Variants in DHRS13 observed in about 807,000 individuals in gnomAD.
The protein encoded by DHRS13 is dehydrogenase/reductase 13.
Under a neutral mutation model 17.9 loss-of-function variants are expected in DHRS13, and 22 were observed. That is an observed-to-expected ratio of 1.23 (90% CI 0.88 to 1.75). The LOEUF (loss-of-function observed/expected upper bound fraction) is 1.75, where lower values mean the gene tolerates loss of function less well. DHRS13 is among the 40% of genes most tolerant of loss of function. DHRS13 has a pLI of 0.00. For missense variants in DHRS13, 483 were observed against 519.9 expected, an observed-to-expected ratio of 0.93 and a Z score of 0.69; for synonymous variants, 206 against 220.4, an observed-to-expected ratio of 0.93 and a Z score of 0.58.
rs1278137728 is a variant in DHRS13 at position 28,902,140 on chromosome 17, C to T, written c.246+443G>A. The T allele has an allele frequency of 6.1e-6, 1 of 164,720 alleles. No individual in the cohort carries two copies. Among genetic ancestry groups the T allele is most frequent in the African/African-American group, 2.4e-5 (1 of 41,664 alleles). The allele number at this position is 164,720 out of a possible 1,614,324, so 10.2% of individuals were successfully genotyped here. Reference sequence around the variant, plus strand: ...CATGGTCTCCACTGGTCTCTGCTGCCCAATCTATAAAATCCAAGCTTCTCA... The same window carrying T: ...CATGGTCTCCACTGGTCTCTGCTGCTCAATCTATAAAATCCAAGCTTCTCA... On this transcript the variant is annotated intron_variant, in intron 2 of 4. Transcript: ENST00000378895. The surrounding 1 kb of genome is among the most constrained non-coding windows in gnomAD (Gnocchi z 4.0).
At position 28,900,587 on chromosome 17, in the gene DHRS13, T is replaced by A. The variant is rs28523716; in HGVS notation, c.682+403A>T. Among the ~76,000 whole-genome samples, 697 of 152,244 alleles carry A rather than the reference T, an allele frequency of 4.6e-3. 10 individuals carry two copies. The highest frequency in any genetic ancestry group is 0.016 in the African/African-American group (663 of 41,554). On this transcript the variant is annotated intron_variant, in intron 4 of 4. Transcript: ENST00000378895. ...GCAAACTCTATGAGGGCAGGGTCTT[T>A]GTTTTGTTCACTGCTATATCCCCAG...
In DHRS13 at chr17:28,899,370, G is replaced by C. The variant is rs539681891; in HGVS notation, c.683-478C>G. ...ATTTTGGACATTAGTGATATGGAGT[G>C]TAATAAAGACTTAATAAAGGCTAAT... On this transcript the variant is annotated intron_variant, in intron 4 of 4. Transcript: ENST00000378895. This position sits in a 1 kb window ranked among gnomAD's most constrained non-coding sequence, Gnocchi z 4.7. The C allele has an allele frequency of 6.3e-6, 1 of 159,344 alleles. No individual in the cohort carries two copies. The highest frequency in any genetic ancestry group is 6.4e-5 in the Admixed American group (1 of 15,518). The allele number at this position is 159,344 out of a possible 1,614,324, so 9.9% of individuals were successfully genotyped here.
chr17:28,900,829 G>T (rs1189423347), intron 4 of DHRS13, among the ~76,000 whole-genome samples, 161 bp downstream of exon 4: 1 of 152,088 alleles, frequency 6.6e-6, no homozygotes, highest in Non-Finnish European at 1.5e-5. Flanking sequence ...GGTTCCAAGA[G>T]CAGCAAGGAA....
chr17:28,900,927 G>T (rs2039799575), intron 4 of DHRS13, 63 bp downstream of exon 4: 4 of 1,506,938 alleles, frequency 2.7e-6, no homozygotes, highest in African/African-American at 1.4e-5. Context: ...GTAGTGGTGT[G>T]GGGGGCACAG....
rs1042902498 is a variant in DHRS13, at chr17:28,902,382, C to T, written c.246+201G>A. Among the ~76,000 whole-genome samples the T allele has an allele frequency of 1.3e-5, 2 of 152,224 alleles. No homozygotes were observed. Among genetic ancestry groups the T allele is most frequent in the African/African-American group, 2.4e-5 (1 of 41,448 alleles). ...AACGTCTCAGAACTGCAATTACGGCCTTCAGGAAGCCCCTCCCCCACTCGG... is the reference window on the plus strand; with the variant it reads ...AACGTCTCAGAACTGCAATTACGGCTTTCAGGAAGCCCCTCCCCCACTCGG... On this transcript the variant is annotated intron_variant, in intron 2 of 4. Coordinates refer to ENST00000378895, the MANE Select transcript of DHRS13 (RefSeq NM_144683.4). The surrounding 1 kb of genome is among the most constrained non-coding windows in gnomAD (Gnocchi z 4.0).
Position 28,901,425 on chromosome 17 carries a change from C to T in DHRS13, c.370+68G>A, listed in dbSNP as rs990275909. 1.6e-5 allele frequency: 26 copies of T among 1,606,960 alleles called. No homozygotes were observed. Among genetic ancestry groups the T allele is most frequent in the Admixed American group, 5.1e-5 (3 of 59,188 alleles). ...TGTCCACTGGCCCCAGCAGGGCCCC[C>T]GCTGGAGGGGGCAGTTGCCCCTGGC... On this transcript the variant is annotated intron_variant, in intron 3 of 4. Transcript: ENST00000378895. The surrounding 1 kb of genome is among the most constrained non-coding windows in gnomAD (Gnocchi z 4.3).
Position 28,897,860 on chromosome 17 carries a change from C to T in DHRS13, c.*581G>A. 1 of 260,746 alleles carries T rather than the reference C, an allele frequency of 3.8e-6. No individual in the cohort carries two copies. Among genetic ancestry groups the T allele is most frequent in the Non-Finnish European group, 7.2e-6 (1 of 139,768 alleles). 16.2% of individuals were successfully genotyped at this position (260,746 alleles called of 1,614,324 possible). A position where few individuals can be genotyped will look rare whatever the true frequency, so the allele number is the denominator to read the frequency against. On this transcript the variant is annotated 3_prime_UTR_variant, in exon 5 of 5. Coordinates refer to ENST00000378895, the MANE Select transcript of DHRS13 (RefSeq NM_144683.4). The surrounding 1 kb of genome is among the most constrained non-coding windows in gnomAD (Gnocchi z 4.4). ...CCTGCATCCGCCCGGAAGGCGTCCC[C>T]TTACTCCCATGGGGCACCTCGATAC...
intron 4 of DHRS13, 106 bp from the exon 5 acceptor site, chr17:28,898,998 T>G (rs2039785959): frequency 9.0e-7 from 1 of 1,113,886 alleles, no homozygotes; most frequent in Non-Finnish European, 1.2e-6. Context: ...GCCCAGGAGT[T>G]TGAGACCAGA....
In DHRS13 at chr17:28,901,622, G is replaced by C; in HGVS notation, c.247-6C>G. The C allele has an allele frequency of 6.2e-7, 1 of 1,614,124 alleles. No homozygotes were observed. Among genetic ancestry groups the C allele is most frequent in the Non-Finnish European group, 8.5e-7 (1 of 1,179,972 alleles). ...ACCTCATTGTTCCCACTCTCCTGTGGAGAGGCAAGGGCTGGGCTTGTCACC... is the reference window on the plus strand; with the variant it reads ...ACCTCATTGTTCCCACTCTCCTGTGCAGAGGCAAGGGCTGGGCTTGTCACC... On this transcript the variant is annotated splice_region_variant and splice_polypyrimidine_tract_variant and intron_variant, in intron 2 of 4. Transcript: ENST00000378895. This position sits in a 1 kb window ranked among gnomAD's most constrained non-coding sequence, Gnocchi z 4.3.
In DHRS13 at chr17:28,903,015, C is replaced by T; in HGVS notation, c.-71G>A. ...GATCGCCGCCAGGCGGCTGCCGATC[C>T]GCCCTGCACAGGCCTGGAACGGCGC... is the stretch of plus-strand genomic sequence containing the variant. On this transcript the variant is annotated 5_prime_UTR_variant, in exon 1 of 5. Transcript: ENST00000378895. This position sits in a 1 kb window ranked among gnomAD's most constrained non-coding sequence, Gnocchi z 4.8. 1.5e-6 allele frequency: 2 copies of T among 1,302,266 alleles called. No individual in the cohort carries two copies. The highest frequency in any genetic ancestry group is 1.6e-5 in the African/African-American group (1 of 63,960). The allele number at this position is 1,302,266 out of a possible 1,614,324, so 80.7% of individuals were successfully genotyped here.
At position 28,902,523 on chromosome 17, in the gene DHRS13, C is replaced by T; in HGVS notation, c.246+60G>A. On this transcript the variant is annotated intron_variant, in intron 2 of 4. Transcript: ENST00000378895. The surrounding 1 kb of genome is among the most constrained non-coding windows in gnomAD (Gnocchi z 4.0). ...GGATCCTCCGCAGCCCCTTTGCTGG[C>T]TTCTCTGTGTCCCGGCGGGTTCTCG... is the stretch of plus-strand genomic sequence containing the variant. The T allele has an allele frequency of 3.6e-6, 5 of 1,405,208 alleles. No individual in the cohort carries two copies. The highest frequency in any genetic ancestry group is 4.6e-6 in the Non-Finnish European group (5 of 1,080,958). 87.0% of individuals were successfully genotyped at this position (1,405,208 alleles called of 1,614,324 possible). A position where few individuals can be genotyped will look rare whatever the true frequency, so the allele number is the denominator to read the frequency against.
chr17:28,902,640 C>G lies in DHRS13; in HGVS notation c.189G>C (p.Val63=). ...GCTCCTGGCTGCGGCAGGCCAGCACCACGCGCGCTCCCCGGCGCGCCAGCT... is the reference window on the plus strand; with the variant it reads ...GCTCCTGGCTGCGGCAGGCCAGCACGACGCGCGCTCCCCGGCGCGCCAGCT... ...ALELARRGAR[V]VLACRSQERG... Residue 63 remains valine (V), a synonymous_variant, in exon 2 of 5, where the codon GTG becomes GTC. Transcript: ENST00000378895. The surrounding 1 kb of genome is among the most constrained non-coding windows in gnomAD (Gnocchi z 4.0). 6.9e-7 allele frequency: 1 copy of G among 1,449,074 alleles called. No individual in the cohort carries two copies. The highest frequency in any genetic ancestry group is 2.8e-5 in the Admixed American group (1 of 36,176). The allele number at this position is 1,449,074 out of a possible 1,614,324, so 89.8% of individuals were successfully genotyped here.
At chr17:28,900,851 T>A in intron 4 of DHRS13, 139 bp downstream of exon 4, 1 of 988,724 alleles carries the variant, frequency 1.0e-6, no homozygotes, top group Non-Finnish European at 1.5e-6. Context: ...AGGTCTCTCC[T>A]TGGACTATGC....
rs1012805102 is a variant in DHRS13 at position 28,902,458 on chromosome 17, C to G, written c.246+125G>C. The G allele has an allele frequency of 7.6e-6, 8 of 1,054,416 alleles. No homozygotes were observed. The African/African-American group carries it at 1.3e-4, about 18-fold the overall frequency. 65.3% of individuals were successfully genotyped at this position (1,054,416 alleles called of 1,614,324 possible). On this transcript the variant is annotated intron_variant, in intron 2 of 4. Coordinates refer to ENST00000378895, the MANE Select transcript of DHRS13 (RefSeq NM_144683.4). This position sits in a 1 kb window ranked among gnomAD's most constrained non-coding sequence, Gnocchi z 4.0. Reference sequence around the variant, plus strand: ...CCCAGCGCTCCGTGCACTCCCTCTTCGCGCTCAGCCGCCCGCGCCGCGCTC... The same window carrying G: ...CCCAGCGCTCCGTGCACTCCCTCTTGGCGCTCAGCCGCCCGCGCCGCGCTC...
chr17:28,900,809 A>G (rs543527752), intron 4 of DHRS13, among the ~76,000 whole-genome samples, 181 bp downstream of exon 4: 6 of 152,152 alleles, frequency 3.9e-5, no homozygotes, highest in Non-Finnish European at 7.4e-5. Context: ...AACCTAAACC[A>G]GGAGAACCTG....
Position 28,898,430 on chromosome 17 carries a change from T to C in DHRS13, c.*11A>G, listed in dbSNP as rs2039777489. On this transcript the variant is annotated 3_prime_UTR_variant, in exon 5 of 5. Transcript: ENST00000378895. ...CCATGAAGTGCCATGGCAAGCATCCTGGCCTGAGGGTTAGGAGAGCTGGAT... is the reference window on the plus strand; with the variant it reads ...CCATGAAGTGCCATGGCAAGCATCCCGGCCTGAGGGTTAGGAGAGCTGGAT... The C allele has an allele frequency of 6.5e-7, 1 of 1,549,280 alleles. No individual in the cohort carries two copies. The highest frequency in any genetic ancestry group is 1.2e-5 in the South Asian group (1 of 83,726).
Position 28,897,858 on chromosome 17 carries a change from C to T in DHRS13, c.*583G>A. 3.8e-6 allele frequency: 1 copy of T among 261,024 alleles called. No homozygotes were observed. The allele number at this position is 261,024 out of a possible 1,614,324, so 16.2% of individuals were successfully genotyped here. A position where few individuals can be genotyped will look rare whatever the true frequency, so the allele number is the denominator to read the frequency against. On this transcript the variant is annotated 3_prime_UTR_variant, in exon 5 of 5. Coordinates refer to ENST00000378895, the MANE Select transcript of DHRS13 (RefSeq NM_144683.4). The surrounding 1 kb of genome is among the most constrained non-coding windows in gnomAD (Gnocchi z 4.4). ...GCCCTGCATCCGCCCGGAAGGCGTC[C>T]CCTTACTCCCATGGGGCACCTCGAT...
Position 28,898,321 on chromosome 17 carries a change from C to T in DHRS13, c.*120G>A. The T allele has an allele frequency of 8.3e-7, 1 of 1,204,342 alleles. No homozygotes were observed. The highest frequency in any genetic ancestry group is 2.6e-5 in the East Asian group (1 of 38,726). The allele number at this position is 1,204,342 out of a possible 1,614,324, so 74.6% of individuals were successfully genotyped here. A position where few individuals can be genotyped will look rare whatever the true frequency, so the allele number is the denominator to read the frequency against. ...AGATGTCCAGGGCACAGCTTGGGGC[C>T]CCAGAAAGTAACCACGGAGGTCAAG... On this transcript the variant is annotated 3_prime_UTR_variant, in exon 5 of 5. Coordinates refer to ENST00000378895, the MANE Select transcript of DHRS13 (RefSeq NM_144683.4).
chr17:28,902,658 C>A lies in DHRS13; in HGVS notation c.171G>T (p.Ala57=). The A allele has an allele frequency of 7.0e-7, 1 of 1,436,442 alleles. No individual in the cohort carries two copies. 89.0% of individuals were successfully genotyped at this position (1,436,442 alleles called of 1,614,324 possible). A position where few individuals can be genotyped will look rare whatever the true frequency, so the allele number is the denominator to read the frequency against. ...GIGKMTALEL[A]RRGARVVLAC... is the part of the protein sequence containing the mutation. ...CCAGCACCACGCGCGCTCCCCGGCG[C>A]GCCAGCTCCAGCGCCGTCATCTTTC... Residue 57 remains alanine, a synonymous_variant, in exon 2 of 5, where the codon GCG becomes GCT. Transcript: ENST00000378895. The surrounding 1 kb of genome is among the most constrained non-coding windows in gnomAD (Gnocchi z 4.0).
Sources: gnomAD v4.1 joint callset for allele counts (sites outside exome capture counted in the v4.1 genomes callset) on GRCh38, gnomAD v4.1.1 for gene constraint, Gnocchi (gnomAD v3.1) non-coding constraint, MANE v1.5 for transcripts, NCBI Gene and HGNC (gene_info 2026-07-23, HGNC 2026-07-21) for gene names.